PNISR: variants seen among roughly 807,000 people sequenced by gnomAD.
The protein encoded by PNISR is arginine/serine-rich protein PNISR.
PNISR carries 20 observed loss-of-function variants against 93.4 expected under a neutral mutation model. That is an observed-to-expected ratio of 0.21 (90% confidence interval 0.15 to 0.31). PNISR has a LOEUF of 0.31. PNISR is among the 10% of genes least tolerant of loss of function. The probability of loss-of-function intolerance (pLI) is 1.00; values close to 1 mark genes in which losing one functional copy is unlikely to be tolerated. For synonymous variants in PNISR, 305 were observed against 306.5 expected, an observed-to-expected ratio of 0.99 and a Z score of 0.05; for missense variants, 893 against 985.4, an observed-to-expected ratio of 0.91 and a Z score of 1.25.
At position 99,401,204 on chromosome 6, in the gene PNISR, T is replaced by G. The variant is rs139325987; in HGVS notation, c.1754A>C (p.Asn585Thr). The change falls in exon 12 of 12, where the codon AAT (asparagine) becomes ACT (threonine). Residue 585 changes from asparagine to threonine, a missense_variant. Physicochemically the swap from Asn to Thr is moderately conservative, Grantham distance 65. Coordinates refer to ENST00000369239, the MANE Select transcript of PNISR (RefSeq NM_032870.4). ...SYSRRIKIES[N>T]RARVKIRDRR... is the part of the protein sequence containing the mutation. The stretch of plus-strand genomic sequence containing the variant: ...ATCTCTAATCTTTACCCTAGCCCTA[T>G]TGCTCTCTATTTTAATTCTGCGAGA... 6.2e-7 allele frequency: 1 copy of G among 1,613,882 alleles called. No homozygotes were observed. Among genetic ancestry groups the G allele is most frequent in the African/African-American group, 1.3e-5 (1 of 74,896 alleles).
chr6:99,420,010 G>A (rs1778328797), intron 1 of PNISR, among the ~76,000 whole-genome samples: 1 of 151,704 alleles, frequency 6.6e-6, no homozygotes, highest in South Asian at 2.1e-4. Context: ...TCAGCCTCCC[G>A]AGTAGCTGGG....
chr6:99,404,459 G>A (rs187596043), intron 9 of PNISR, 144 bp downstream of exon 9: 15 of 689,878 alleles, frequency 2.2e-5, no homozygotes, highest in Admixed American at 4.1e-5. Context: ...TGGTGTCTAC[G>A]AATCTAATCT....
At chr6:99,421,217 C>G (rs1032413407) in intron 1 of PNISR, among the ~76,000 whole-genome samples, 3 of 152,062 alleles carry the variant, frequency 2.0e-5, no homozygotes, top group African/African-American at 4.8e-5. Context: ...CCTTGGAAAA[C>G]AAATGGGGTC....
In PNISR at chr6:99,408,116, C is replaced by G. The variant is rs1776385466; in HGVS notation, c.829G>C (p.Gly277Arg). The G allele has an allele frequency of 2.5e-6, 4 of 1,609,066 alleles. No individual in the cohort carries two copies. Among genetic ancestry groups the G allele is most frequent in the Non-Finnish European group, 3.4e-6 (4 of 1,178,658 alleles). Residue 277 changes from glycine to arginine, a missense_variant, in exon 7 of 12, where the codon GGG (glycine) becomes CGG (arginine). By Grantham distance (125) the Gly-to-Arg change is moderately radical. Coordinates refer to ENST00000369239, the MANE Select transcript of PNISR (RefSeq NM_032870.4). Reference protein sequence around the residue: ...EKKATEDAEGGDGPRLPQRSK... With the variant: ...EKKATEDAEGRDGPRLPQRSK... ...CTCTGAGGTAAACGAGGGCCATCCC[C>G]TCCTTCAGCATCTTCTGTGGCCTTT... is the stretch of plus-strand genomic sequence containing the variant.
intron 8 of PNISR, among the ~76,000 whole-genome samples, chr6:99,405,481 TAAATATTCCG>T (rs1776041602): frequency 6.6e-6 from 1 of 151,770 alleles, no homozygotes. Context: ...AATAAATAAA[TAAATATTCCG>T]AAATCATACG....
At chr6:99,417,968 CAAAAAAAAAAA>C (rs34504221) in intron 1 of PNISR, among the ~76,000 whole-genome samples, 1 of 92,248 alleles carries the variant, frequency 1.1e-5, no homozygotes, top group Non-Finnish European at 2.1e-5. Flanking sequence ...AACACCATCT[CAAAAAAAAAAA>C]AAAAAAAAAA....
At position 99,401,629 on chromosome 6, in the gene PNISR, T is replaced by C. The variant is rs987881542; in HGVS notation, c.1329A>G (p.Glu443=). ...TAACCCTTTCTGTTTGCTGCTTTTC[T>C]TCTGAAACAGAAAAAGACAAAAACA... ...QQLLHDKQME[E]EKQQTERVTK... The change falls in exon 12 of 12, where the codon GAA becomes GAG. Residue 443 remains glutamate (E), a splice_region_variant and synonymous_variant. Coordinates refer to ENST00000369239, the MANE Select transcript of PNISR (RefSeq NM_032870.4). 6.6e-7 allele frequency: 1 copy of C among 1,524,254 alleles called. No individual in the cohort carries two copies. The highest frequency in any genetic ancestry group is 2.4e-5 in the Admixed American group (1 of 42,088). 94.4% of individuals were successfully genotyped at this position (1,524,254 alleles called of 1,614,324 possible).
At position 99,398,236 on chromosome 6, in the gene PNISR, C is replaced by T. The variant is rs1187524435; in HGVS notation, c.*2304G>A. ...AAACAAGACATTTTCATTAACCAAT[C>T]CAGACCAAGGATTGTCTCAAAAATT... On this transcript the variant is annotated 3_prime_UTR_variant, in exon 12 of 12. Transcript: ENST00000369239. The T allele has an allele frequency of 6.6e-6, 1 of 152,070 alleles. No homozygotes were observed. Among genetic ancestry groups the T allele is most frequent in the African/African-American group, 2.4e-5 (1 of 41,434 alleles). 9.4% of individuals were successfully genotyped at this position (152,070 alleles called of 1,614,324 possible).
Position 99,425,226 on chromosome 6 carries a change from C to G in PNISR, c.-123G>C, listed in dbSNP as rs1270361764. 13 of 1,231,964 alleles carry G rather than the reference C, an allele frequency of 1.1e-5. No individual in the cohort carries two copies. The highest frequency in any genetic ancestry group is 1.3e-5 in the Non-Finnish European group (13 of 987,888). The allele number at this position is 1,231,964 out of a possible 1,614,324, so 76.3% of individuals were successfully genotyped here. ...TCTCCATCACTTACCCACTCTAGTT[C>G]GGGAACACCCTTGTCGCCGCCGTTC... On this transcript the variant is annotated 5_prime_UTR_variant, in exon 1 of 12. Coordinates refer to ENST00000369239, the MANE Select transcript of PNISR (RefSeq NM_032870.4).
Position 99,400,806 on chromosome 6 carries a change from C to T in PNISR, c.2152G>A (p.Glu718Lys), listed in dbSNP as rs758763436. 15 of 1,612,270 alleles carry T rather than the reference C, an allele frequency of 9.3e-6. No individual in the cohort carries two copies. The highest frequency in any genetic ancestry group is 1.3e-5 in the Non-Finnish European group (15 of 1,178,946). Residue 718 changes from glutamate to lysine, a missense_variant, in exon 12 of 12, where the codon GAA becomes AAA. This residue lies in a region of PNISR where 866 missense variants were observed against 935.1 expected (regional missense o/e 0.93). Transcript: ENST00000369239. ...DDRLKRKRES[E>K]RTFSRSGSIS... is the part of the protein sequence containing the mutation. ...GAACCACTCCTAGAAAATGTTCTTT[C>T]ACTTTCTCGTTTCCTTTTTAATCTA...
At chr6:99,406,243 T>C (rs1412233145) in intron 7 of PNISR, 75 bp from the exon 8 acceptor site, 1 of 894,590 alleles carries the variant, frequency 1.1e-6, no homozygotes, top group Admixed American at 3.0e-5. Flanking sequence ...ACAGAAAATC[T>C]TAAACCCCAA....
Position 99,422,748 on chromosome 6 carries a change from C to T in PNISR, c.-112+2467G>A, listed in dbSNP as rs551918180. 3.3e-5 allele frequency among the ~76,000 whole-genome samples: 5 copies of T among 152,056 alleles called. No individual in the cohort carries two copies. The South Asian group carries it at 6.2e-4, about 19-fold the overall frequency. On this transcript the variant is annotated intron_variant, in intron 1 of 11. Coordinates refer to ENST00000369239, the MANE Select transcript of PNISR (RefSeq NM_032870.4). ...AATTAGCTGGGCATGGTGGCATATA[C>T]CTGTAGTCCCAGCTACTTAGCAGGC...
In PNISR at chr6:99,412,581, C is replaced by T; in HGVS notation, c.247G>A (p.Asp83Asn). The stretch of plus-strand genomic sequence containing the variant: ...TGCCACATTCTGTTGAAGTTTGAAT[C>T]CCCTTGGAAATTCCCATGATTGTTT... ...GPNNHGNFQGDSNFNRMWQPE... is the reference protein window; with the variant it reads ...GPNNHGNFQGNSNFNRMWQPE... The change falls in exon 4 of 12, where the codon GAT becomes AAT. Residue 83 changes from aspartate to asparagine, a missense_variant. By Grantham distance (23) the Asp-to-Asn change is conservative (BLOSUM62 1). Transcript: ENST00000369239. 1 of 1,600,556 alleles carries T rather than the reference C, an allele frequency of 6.2e-7. No homozygotes were observed. The highest frequency in any genetic ancestry group is 8.5e-7 in the Non-Finnish European group (1 of 1,175,512).
rs1234795537 is a variant in PNISR at position 99,403,954 on chromosome 6, G to C, written c.1103-72C>G. The C allele has an allele frequency of 1.1e-5, 12 of 1,063,784 alleles. 1 individual carries two copies. The East Asian group carries it at 2.9e-4, about 26-fold the overall frequency. 65.9% of individuals were successfully genotyped at this position (1,063,784 alleles called of 1,614,324 possible). A position where few individuals can be genotyped will look rare whatever the true frequency, so the allele number is the denominator to read the frequency against. ...CACGATTTCATAGTCATGAGTCTAT[G>C]GTATTGTTAAATCTACTACTATTGC... On this transcript the variant is annotated intron_variant, in intron 9 of 11. Transcript: ENST00000369239.
rs1463953295 is a variant in PNISR at position 99,399,582 on chromosome 6, C to T, written c.*958G>A. On this transcript the variant is annotated 3_prime_UTR_variant, in exon 12 of 12. Transcript: ENST00000369239. Reference sequence around the variant, plus strand: ...CTTGACTATTACTGTCAAACACAATCGTTCCTTACAAATAACTCTACTGGT... The same window carrying T: ...CTTGACTATTACTGTCAAACACAATTGTTCCTTACAAATAACTCTACTGGT... 6.6e-6 allele frequency: 1 copy of T among 152,110 alleles called. No homozygotes were observed. Among genetic ancestry groups the T allele is most frequent in the East Asian group, 1.9e-4 (1 of 5,204 alleles). 9.4% of individuals were successfully genotyped at this position (152,110 alleles called of 1,614,324 possible).
chr6:99,405,725 C>T (rs938032664), intron 8 of PNISR, among the ~76,000 whole-genome samples: 2 of 151,908 alleles, frequency 1.3e-5, no homozygotes, highest in Admixed American at 6.6e-5. Flanking sequence ...TCACTATGCC[C>T]GGCTAATTTT....
chr6:99,404,381 A>G, intron 9 of PNISR: 2 of 530,774 alleles, frequency 3.8e-6, no homozygotes, highest in Non-Finnish European at 6.8e-6. Context: ...TTTAGAGGAA[A>G]ACAGCATGAT....
chr6:99,417,928 A>G (rs1298021743), intron 1 of PNISR, among the ~76,000 whole-genome samples: 1 of 141,200 alleles, frequency 7.1e-6, no homozygotes, highest in African/African-American at 2.6e-5. Flanking sequence ...AGATTGTGCC[A>G]TTGCACTCTA....
intron 2 of PNISR, chr6:99,415,985 ATTTC>A (rs1177481320): frequency 1.3e-5 from 2 of 156,516 alleles, no homozygotes; most frequent in Non-Finnish European, 2.8e-5. Flanking sequence ...TGGGAGGTGT[ATTTC>A]TTTGTCACCT....
Sources: allele counts gnomAD v4.1 joint callset (sites outside exome capture counted in the v4.1 genomes callset), GRCh38; gene constraint gnomAD v4.1.1; regional missense constraint gnomAD v4.1.1; transcripts MANE v1.5; gene names NCBI Gene and HGNC (gene_info 2026-07-23, HGNC 2026-07-21).